TENM2: variants seen among roughly 807,000 people sequenced by gnomAD.
TENM2 encodes teneurin-2.
TENM2 carries 52 observed loss-of-function variants against 245.2 expected under a neutral mutation model. The observed-to-expected ratio is 0.21, with a 90% confidence interval of 0.17 to 0.27. The LOEUF (loss-of-function observed/expected upper bound fraction) is 0.27. TENM2 is among the 10% of genes least tolerant of loss of function. The probability of loss-of-function intolerance (pLI) is 1.00; values close to 1 mark genes in which losing one functional copy is unlikely to be tolerated. For synonymous variants in TENM2, 1,363 were observed against 1,438.9 expected (o/e 0.95, Z 1.19); for missense variants, 3,046 against 3,666.8 (o/e 0.83, Z 4.37).
At chr5:168,116,504 C>G (rs1293577891) in intron 9 of TENM2, among the ~76,000 whole-genome samples, 1 of 152,152 alleles carries the variant, frequency 6.6e-6, no homozygotes, top group Non-Finnish European at 1.5e-5. Flanking sequence ...AGGGACTGTT[C>G]TTCCCACGTC....
chr5:167,336,841 G>A (rs1219426921), intron 1 of TENM2, among the ~76,000 whole-genome samples: 2 of 151,512 alleles, frequency 1.3e-5, no homozygotes, highest in Non-Finnish European at 2.9e-5. Flanking sequence ...AAATCGGCCG[G>A]GTGCGGTGGC....
chr5:167,685,525 A>G (rs750906260), intron 2 of TENM2, among the ~76,000 whole-genome samples: 3 of 152,258 alleles, frequency 2.0e-5, no homozygotes, highest in East Asian at 1.9e-4. Context: ...TGTATTTTCA[A>G]TATCTCAGTG....
chr5:167,492,893 A>G (rs888098400), intron 2 of TENM2, among the ~76,000 whole-genome samples: 3 of 152,208 alleles, frequency 2.0e-5, no homozygotes, highest in Middle Eastern at 6.8e-3. Flanking sequence ...CCAGTCTACA[A>G]TGCTAAGGTA....
chr5:167,865,489 G>T (rs73370980), intron 2 of TENM2, among the ~76,000 whole-genome samples: 1,672 of 152,172 alleles, frequency 0.011, 33 homozygotes, highest in African/African-American at 0.037. Flanking sequence ...GCCCAGGCCA[G>T]TTTCAAACTC....
chr5:168,226,856 C>T (rs530201975), intron 24 of TENM2, among the ~76,000 whole-genome samples: 4 of 152,198 alleles, frequency 2.6e-5, no homozygotes, highest in South Asian at 2.1e-4. Flanking sequence ...TGAATTGTGC[C>T]GATTAATTTT....
intron 4 of TENM2, among the ~76,000 whole-genome samples, chr5:167,970,482 C>G (rs994890): frequency 2.6e-5 from 4 of 151,958 alleles, no homozygotes; most frequent in East Asian, 1.9e-4. Context: ...TGCATTTCCT[C>G]TCTCTTGGAA....
At chr5:167,520,230 TAG>T (rs1770665146) in intron 2 of TENM2, among the ~76,000 whole-genome samples, 1 of 152,204 alleles carries the variant, frequency 6.6e-6, no homozygotes, top group African/African-American at 2.4e-5. Context: ...TGCATTAGAC[TAG>T]GTCTCATTGA....
Position 167,369,451 on chromosome 5 carries a change from A to ATTTT in TENM2, c.227-5740_227-5737dup, listed in dbSNP as rs34408184. On this transcript the variant is annotated intron_variant, in intron 1 of 28. Transcript: ENST00000518659. ...TATTCTGTGACCTTTTTGATGAACT[A>ATTTT]TTTTTTTTTTGCATAATTTTTCTTG... is the stretch of plus-strand genomic sequence containing the variant. 1.0e-3 allele frequency among the ~76,000 whole-genome samples: 153 copies of ATTTT among 150,280 alleles called. 1 individual carries two copies. Among genetic ancestry groups the ATTTT allele is most frequent in the African/African-American group, 3.7e-3 (150 of 40,954 alleles).
At chr5:167,967,736 CTG>C (rs1337652934) in intron 4 of TENM2, among the ~76,000 whole-genome samples, 1 of 152,184 alleles carries the variant, frequency 6.6e-6, no homozygotes, top group Non-Finnish European at 1.5e-5. Context: ...TGCCCTGAGT[CTG>C]TGTAAATGTC....
intron 2 of TENM2, among the ~76,000 whole-genome samples, chr5:167,591,629 A>G (rs1264284366): frequency 2.6e-5 from 4 of 152,220 alleles, no homozygotes; most frequent in Non-Finnish European, 1.5e-5. Context: ...CAATTATCAT[A>G]CATAGTAGCT....
At chr5:167,793,067 G>A (rs1238433690) in intron 2 of TENM2, among the ~76,000 whole-genome samples, 1 of 152,150 alleles carries the variant, frequency 6.6e-6, no homozygotes, top group East Asian at 1.9e-4. Context: ...GAAATAGGCT[G>A]GGTGAAAGAG....
chr5:167,715,519 A>G (rs949358158), intron 2 of TENM2, among the ~76,000 whole-genome samples: 14 of 152,176 alleles, frequency 9.2e-5, no homozygotes, highest in Non-Finnish European at 1.3e-4. Flanking sequence ...AACCCCTGGG[A>G]TGTTTTGATT....
At chr5:168,074,762 G>A (rs761194358) in intron 7 of TENM2, among the ~76,000 whole-genome samples, 3 of 152,042 alleles carry the variant, frequency 2.0e-5, no homozygotes, top group Non-Finnish European at 4.4e-5. Context: ...TCTCTTCCTG[G>A]AATCATCCCC....
At chr5:168,174,962 C>T (rs534504312) in intron 13 of TENM2, among the ~76,000 whole-genome samples, 2 of 152,328 alleles carry the variant, frequency 1.3e-5, no homozygotes, top group African/African-American at 4.8e-5. Flanking sequence ...TTATGACATT[C>T]TGCTGCTTCT....
the TENM2 span, among the ~76,000 whole-genome samples, chr5:167,190,743 T>C: frequency 1.3e-5 from 2 of 152,054 alleles, no homozygotes; most frequent in Admixed American, 1.3e-4. Flanking sequence ...TTCTACACTC[T>C]CATCTGCAGT....
chr5:167,304,670 G>T (rs1225582737), intron 1 of TENM2, among the ~76,000 whole-genome samples: 3 of 152,008 alleles, frequency 2.0e-5, no homozygotes, highest in African/African-American at 7.2e-5. Flanking sequence ...TTTTTTTAAA[G>T]AATTTTAGTA....
At chr5:167,995,054 C>CG (rs1316790062) in intron 5 of TENM2, among the ~76,000 whole-genome samples, 2 of 151,978 alleles carry the variant, frequency 1.3e-5, no homozygotes, top group Admixed American at 1.3e-4. Flanking sequence ...TAATGTTCTG[C>CG]GGGGCCAGTG....
chr5:167,927,112 A>G (rs1777827798), intron 3 of TENM2, among the ~76,000 whole-genome samples: 1 of 152,210 alleles, frequency 6.6e-6, no homozygotes, highest in Middle Eastern at 3.4e-3. Context: ...GTGTGCACAT[A>G]CAAGTCTTAT....
At chr5:167,256,187 A>G in the TENM2 span, among the ~76,000 whole-genome samples, 4 of 152,160 alleles carry the variant, frequency 2.6e-5, no homozygotes, top group Non-Finnish European at 4.4e-5. Context: ...ACTGCATGCA[A>G]TGCAAGTGAA....
Sources: gnomAD v4.1 joint callset for allele counts (sites outside exome capture counted in the v4.1 genomes callset) on GRCh38, gnomAD v4.1.1 for gene constraint, MANE v1.5 for transcripts, NCBI Gene and HGNC (gene_info 2026-07-23, HGNC 2026-07-21) for gene names.